SNAP25: variants seen among roughly 807,000 people sequenced by gnomAD.
The protein encoded by SNAP25 is synaptosomal-associated protein 25.
A neutral mutation model predicts 28.7 loss-of-function variants in SNAP25; 3 were observed. The ratio of observed to expected loss-of-function variants is 0.10; its 90% CI spans 0.05 to 0.27. The LOEUF is 0.27. SNAP25 is among the 10% of genes least tolerant of loss of function. The pLI, the probability that SNAP25 is intolerant of heterozygous loss-of-function variation, is 1.00. For synonymous variants in SNAP25, 61 were observed against 88.1 expected, an observed-to-expected ratio of 0.69 and a Z score of 1.72; for missense variants, 117 against 278.7, an observed-to-expected ratio of 0.42 and a Z score of 4.13.
chr20:10,240,411 C>T (rs1048816095), intron 1 of SNAP25, among the ~76,000 whole-genome samples: 1 of 152,178 alleles, frequency 6.6e-6, no homozygotes, highest in Non-Finnish European at 1.5e-5. Flanking sequence ...GATCCATTTA[C>T]GTTTCCCTAA....
intron 1 of SNAP25, among the ~76,000 whole-genome samples, chr20:10,232,475 T>C (rs1204693708): frequency 6.6e-6 from 1 of 152,220 alleles, no homozygotes; most frequent in African/African-American, 2.4e-5. Context: ...GTAAAATCTC[T>C]GCTGCTTTGG....
intron 1 of SNAP25, among the ~76,000 whole-genome samples, chr20:10,240,648 C>T (rs964032286): frequency 6.6e-6 from 1 of 152,234 alleles, no homozygotes; most frequent in African/African-American, 2.4e-5. Context: ...CCTTGGTCCA[C>T]ATCACACAGC....
chr20:10,299,394 C>G lies in SNAP25; in HGVS notation c.534C>G (p.Ile178Met). The G allele has an allele frequency of 1.2e-6, 2 of 1,613,568 alleles. No individual in the cohort carries two copies. Among genetic ancestry groups the G allele is most frequent in the Non-Finnish European group, 1.7e-6 (2 of 1,179,722 alleles). ...AGATCGATACACAGAATCGCCAGAT[C>G]GACAGGATCATGGAGAAGGTGAGCA... ...GNEIDTQNRQ[I>M]DRIMEKADSN... Residue 178 changes from isoleucine to methionine, a missense_variant, in exon 7 of 8, where the codon ATC (isoleucine) becomes ATG (methionine). Coordinates refer to ENST00000254976, the MANE Select transcript of SNAP25 (RefSeq NM_130811.4).
At chr20:10,261,379 T>A (rs555908231) in intron 1 of SNAP25, among the ~76,000 whole-genome samples, 1 of 152,316 alleles carries the variant, frequency 6.6e-6, no homozygotes, top group South Asian at 2.1e-4. Context: ...TAGACCTTGC[T>A]CAAACTCAGA....
At chr20:10,266,816 T>G (rs1374008247) in intron 1 of SNAP25, among the ~76,000 whole-genome samples, 1 of 152,208 alleles carries the variant, frequency 6.6e-6, no homozygotes, top group Non-Finnish European at 1.5e-5. Flanking sequence ...GAACTCACTG[T>G]TGAAGACCTG....
chr20:10,223,780 C>CTCTT (rs1293905653), intron 1 of SNAP25, among the ~76,000 whole-genome samples: 2 of 152,158 alleles, frequency 1.3e-5, no homozygotes, highest in African/African-American at 4.8e-5. Flanking sequence ...ATAATACCTA[C>CTCTT]TCTTTCTACA....
At chr20:10,246,629 C>T (rs1166553738) in intron 1 of SNAP25, among the ~76,000 whole-genome samples, 1 of 152,158 alleles carries the variant, frequency 6.6e-6, no homozygotes, top group Non-Finnish European at 1.5e-5. Context: ...ACTCACTTTG[C>T]AGACAAGTCT....
At chr20:10,305,541 C>CA (rs1258823269) in intron 7 of SNAP25, among the ~76,000 whole-genome samples, 2 of 151,442 alleles carry the variant, frequency 1.3e-5, no homozygotes, top group Non-Finnish European at 2.9e-5. Flanking sequence ...GACCCTGTCT[C>CA]AAAAAAAAGG....
chr20:10,256,964 A>C (rs1389755964), intron 1 of SNAP25, among the ~76,000 whole-genome samples: 1 of 152,248 alleles, frequency 6.6e-6, no homozygotes, highest in Non-Finnish European at 1.5e-5. Context: ...TTCTTTAACA[A>C]ATAAATTTAT....
chr20:10,219,305 C>T (rs1249643472), intron 1 of SNAP25: 5 of 152,210 alleles, frequency 3.3e-5, no homozygotes, highest in Non-Finnish European at 7.3e-5. Flanking sequence ...GATATTTAGG[C>T]TGTTGAGTTT....
Position 10,292,668 on chromosome 20 carries a change from T to C in SNAP25, c.164-493T>C, listed in dbSNP as rs1267288547. 2.6e-5 allele frequency among the ~76,000 whole-genome samples: 4 copies of C among 152,206 alleles called. No homozygotes were observed. In the South Asian group the frequency reaches 6.2e-4, roughly 24 times the overall value. On this transcript the variant is annotated intron_variant, in intron 4 of 7. Coordinates refer to ENST00000254976, the MANE Select transcript of SNAP25 (RefSeq NM_130811.4). The stretch of plus-strand genomic sequence containing the variant: ...ACAGGCCTTCCACCCCATCCCATCA[T>C]GTTGAATTACAAAGTATTTTGAGCA...
At chr20:10,234,454 A>G (rs1376947798) in intron 1 of SNAP25, among the ~76,000 whole-genome samples, 1 of 152,234 alleles carries the variant, frequency 6.6e-6, no homozygotes, top group East Asian at 1.9e-4. Flanking sequence ...TGGATTTACA[A>G]AATCGTTAAT....
intron 3 of SNAP25, 120 bp downstream of exon 3, chr20:10,277,846 T>C: frequency 1.1e-6 from 1 of 917,512 alleles, no homozygotes; most frequent in Non-Finnish European, 1.7e-6. Context: ...GGATGTAGCC[T>C]ATCAGAAAGG....
chr20:10,267,317 T>G (rs891714527), intron 1 of SNAP25, among the ~76,000 whole-genome samples: 16 of 152,134 alleles, frequency 1.1e-4, no homozygotes, highest in Non-Finnish European at 2.4e-4. Flanking sequence ...AAGTCATTTG[T>G]CAATTCAAGA....
At chr20:10,238,162 G>C (rs2062957917) in intron 1 of SNAP25, among the ~76,000 whole-genome samples, 1 of 152,100 alleles carries the variant, frequency 6.6e-6, no homozygotes, top group South Asian at 2.1e-4. Context: ...CCATGATCTG[G>C]TCTCGTTCCA....
chr20:10,270,300 T>TG (rs1435209550), intron 1 of SNAP25, among the ~76,000 whole-genome samples: 5 of 152,080 alleles, frequency 3.3e-5, no homozygotes, highest in Non-Finnish European at 5.9e-5. Context: ...CCACCCCACC[T>TG]GGTGATGCTC....
At chr20:10,272,931 T>C (rs362578) in intron 1 of SNAP25, among the ~76,000 whole-genome samples, 16,983 of 152,182 alleles carry the variant, frequency 0.11, 1,283 homozygotes, top group African/African-American at 0.2. Context: ...TAGGATTCCT[T>C]CTAAGAACCC....
intron 1 of SNAP25, among the ~76,000 whole-genome samples, chr20:10,228,480 T>C (rs143767461): frequency 6.6e-6 from 1 of 152,250 alleles, no homozygotes; most frequent in East Asian, 1.9e-4. Flanking sequence ...CCAAGCTAAA[T>C]AGCCAGGTGA....
intron 3 of SNAP25, among the ~76,000 whole-genome samples, chr20:10,283,286 C>T (rs1411253982): frequency 6.6e-6 from 1 of 152,224 alleles, no homozygotes; most frequent in African/African-American, 2.4e-5. Context: ...TAACTGTTGT[C>T]ATTGCTGTCT....
Sources: allele counts gnomAD v4.1 joint callset (sites outside exome capture counted in the v4.1 genomes callset), GRCh38; gene constraint gnomAD v4.1.1; transcripts MANE v1.5; gene names NCBI Gene and HGNC (gene_info 2026-07-23, HGNC 2026-07-21).